The following ADGRV1 variants were observed in gnomAD, a reference collection of about 807,000 sequenced individuals.
ADGRV1 encodes the protein adhesion G protein-coupled receptor V1.
In ADGRV1, 359 loss-of-function variants were observed where a neutral mutation model predicts 596.2. That is an observed-to-expected ratio of 0.60 (90% CI 0.55 to 0.66). ADGRV1 has a LOEUF of 0.66. ADGRV1 is among the 30% of genes least tolerant of loss of function. The probability of loss-of-function intolerance (pLI) is 0.00; values close to 1 mark genes in which losing one functional copy is unlikely to be tolerated. For missense variants in ADGRV1, 7,274 were observed against 7,575.6 expected (o/e 0.96, Z 1.48); for synonymous variants, 2,681 against 2,679.2 (o/e 1.00, Z -0.02).
intron 59 of ADGRV1, among the ~76,000 whole-genome samples, 161 bp from the exon 60 acceptor site, chr5:90,774,025 T>A (rs1757958889): frequency 6.6e-6 from 1 of 152,236 alleles, no homozygotes; most frequent in South Asian, 2.1e-4. Flanking sequence ...CAGAACTGAT[T>A]TTTGTGGAGT....
At chr5:91,035,887 C>A (rs1352988436) in intron 85 of ADGRV1, among the ~76,000 whole-genome samples, 2 of 37,140 alleles carry the variant, frequency 5.4e-5, no homozygotes, top group East Asian at 6.8e-4. Flanking sequence ...ATATATCTTA[C>A]AACAATGCCT....
chr5:90,737,081 G>T (rs1753334865), intron 50 of ADGRV1, among the ~76,000 whole-genome samples: 1 of 151,484 alleles, frequency 6.6e-6, no homozygotes, highest in South Asian at 2.1e-4. Flanking sequence ...TTTCAATACA[G>T]GCGTTTATTG....
chr5:90,954,273 T>G (rs545316630), intron 83 of ADGRV1, among the ~76,000 whole-genome samples: 1 of 152,112 alleles, frequency 6.6e-6, no homozygotes, highest in African/African-American at 2.4e-5. Context: ...GCTAATGCTT[T>G]GATTTGTATA....
rs1017998808 is a variant in ADGRV1, at chr5:91,095,542, G to T, written c.18311-6677G>T. On this transcript the variant is annotated intron_variant, in intron 86 of 89. Transcript: ENST00000405460. ...CTCAGTTTATTTGCTGAGAACAGTG[G>T]GGGCTGACTGCTGCGGAACTGGTGT... is the stretch of plus-strand genomic sequence containing the variant. Among the ~76,000 whole-genome samples, 7 of 152,052 alleles carry T rather than the reference G, an allele frequency of 4.6e-5. No individual in the cohort carries two copies. In the East Asian group the frequency reaches 1.4e-3, roughly 29 times the overall value.
At chr5:90,981,568 T>C (rs1318816304) in intron 84 of ADGRV1, among the ~76,000 whole-genome samples, 1 of 152,176 alleles carries the variant, frequency 6.6e-6, no homozygotes, top group African/African-American at 2.4e-5. Context: ...GTTCCCGCTC[T>C]GCATGTGCAT....
intron 83 of ADGRV1, among the ~76,000 whole-genome samples, chr5:90,928,884 G>C (rs10065237): frequency 0.3 from 39,077 of 130,482 alleles, 5,722 homozygotes; most frequent in Non-Finnish European, 0.36. Flanking sequence ...TGTTGGAATA[G>C]CCTGCCGTGT....
At chr5:90,685,461 T>C (rs1745481346) in intron 28 of ADGRV1, among the ~76,000 whole-genome samples, 1 of 152,008 alleles carries the variant, frequency 6.6e-6, no homozygotes, top group African/African-American at 2.4e-5. Flanking sequence ...AGCACGTGCC[T>C]GTAGTCCCAG....
Position 91,051,398 on chromosome 5 carries a change from C to T in ADGRV1, c.18153-21049C>T, listed in dbSNP as rs1425855557. On this transcript the variant is annotated intron_variant, in intron 85 of 89. Coordinates refer to ENST00000405460, the MANE Select transcript of ADGRV1 (RefSeq NM_032119.4). ...AATAAATTACATGAGATATAAAACA[C>T]TTTATTATTAAATACGCTTGTGTTA... 2.6e-5 allele frequency among the ~76,000 whole-genome samples: 4 copies of T among 152,152 alleles called. No homozygotes were observed. In the South Asian group the frequency reaches 6.2e-4, roughly 24 times the overall value.
intron 83 of ADGRV1, among the ~76,000 whole-genome samples, chr5:90,964,940 A>T (rs2150966209): frequency 6.6e-6 from 1 of 152,164 alleles, no homozygotes; most frequent in East Asian, 1.9e-4. Flanking sequence ...TAACCATAGA[A>T]TTTGAATTTT....
intron 44 of ADGRV1, 67 bp downstream of exon 44, chr5:90,720,290 G>A: frequency 1.0e-6 from 1 of 990,008 alleles, no homozygotes; most frequent in Non-Finnish European, 1.4e-6. Flanking sequence ...TTTGACATAA[G>A]AAAATGCAGA....
intron 70 of ADGRV1, among the ~76,000 whole-genome samples, chr5:90,798,468 C>T (rs115345983): frequency 0.035 from 5,339 of 152,152 alleles, 322 homozygotes; most frequent in African/African-American, 0.12. Flanking sequence ...CAGGCCAAGA[C>T]GGATACACCG....
At chr5:90,833,704 G>C (rs1333916459) in intron 77 of ADGRV1, among the ~76,000 whole-genome samples, 2 of 152,050 alleles carry the variant, frequency 1.3e-5, no homozygotes, top group East Asian at 3.9e-4. Context: ...ATGGTTCACT[G>C]TCGGCATATA....
intron 65 of ADGRV1, 37 bp downstream of exon 65, chr5:90,781,615 A>G (rs917221529): frequency 1.4e-5 from 22 of 1,562,712 alleles, no homozygotes; most frequent in Non-Finnish European, 1.9e-5. Flanking sequence ...TAAGTTTACT[A>G]CCACTTTCCA....
intron 64 of ADGRV1, chr5:90,781,124 A>G (rs935351672): frequency 2.6e-5 from 10 of 384,350 alleles, no homozygotes; most frequent in Non-Finnish European, 4.4e-5. Context: ...CCAAAGGTTC[A>G]TTTTATGACA....
Position 91,104,185 on chromosome 5 carries a change from G to A in ADGRV1, c.18432+1845G>A, listed in dbSNP as rs1196182694. 1.7e-4 allele frequency among the ~76,000 whole-genome samples: 26 copies of A among 152,058 alleles called. 1 individual carries two copies. Among genetic ancestry groups the A allele is most frequent in the Admixed American group, 1.3e-3 (20 of 15,260 alleles). On this transcript the variant is annotated intron_variant, in intron 87 of 89. Transcript: ENST00000405460. Reference sequence around the variant, plus strand: ...GGAGAGGATATTGAAAAAAAGAGCAGCTCTAAGTAGGTAGGTTATTGTTAT... The same window carrying A: ...GGAGAGGATATTGAAAAAAAGAGCAACTCTAAGTAGGTAGGTTATTGTTAT...
chr5:90,808,208 A>G (rs1407342016), intron 73 of ADGRV1, among the ~76,000 whole-genome samples: 2 of 152,186 alleles, frequency 1.3e-5, no homozygotes, highest in Non-Finnish European at 2.9e-5. Context: ...TTCTGCAAAT[A>G]CAGTATATTT....
rs530131399 is a variant in ADGRV1, at chr5:91,150,603, A to G, written c.18624+382A>G. 8.5e-5 allele frequency among the ~76,000 whole-genome samples: 13 copies of G among 152,252 alleles called. No individual in the cohort carries two copies. In the South Asian group the frequency reaches 1.7e-3, roughly 19 times the overall value. On this transcript the variant is annotated intron_variant, in intron 88 of 89. Coordinates refer to ENST00000405460, the MANE Select transcript of ADGRV1 (RefSeq NM_032119.4). ...CCAAGGAAATGGTTCTTAAGATGCTATTTTTCCTAAAAATACTTTCATAGC... is the reference window on the plus strand; with the variant it reads ...CCAAGGAAATGGTTCTTAAGATGCTGTTTTTCCTAAAAATACTTTCATAGC...
rs537317888 is a variant in ADGRV1, at chr5:90,725,665, C to A, written c.10161+9C>A. On this transcript the variant is annotated intron_variant, in intron 48 of 89. Coordinates refer to ENST00000405460, the MANE Select transcript of ADGRV1 (RefSeq NM_032119.4). ...ATTCCGAATTAACTCAGGTTTGATTCTTTTAAAATGAAGTGGGTTTTTTTT... is the reference window on the plus strand; with the variant it reads ...ATTCCGAATTAACTCAGGTTTGATTATTTTAAAATGAAGTGGGTTTTTTTT... 2.6e-5 allele frequency: 35 copies of A among 1,328,568 alleles called. No individual in the cohort carries two copies. In the South Asian group the frequency reaches 2.7e-4, roughly 10 times the overall value. The allele number at this position is 1,328,568 out of a possible 1,614,324, so 82.3% of individuals were successfully genotyped here.
intron 25 of ADGRV1, among the ~76,000 whole-genome samples, chr5:90,678,549 A>G (rs1162144401): frequency 6.7e-6 from 1 of 149,440 alleles, no homozygotes; most frequent in Non-Finnish European, 1.5e-5. Flanking sequence ...TTTATAAGCA[A>G]TAGAAGTTTA....
Sources: gnomAD v4.1 joint callset for allele counts (sites outside exome capture counted in the v4.1 genomes callset) on GRCh38, gnomAD v4.1.1 for gene constraint, MANE v1.5 for transcripts, NCBI Gene and HGNC (gene_info 2026-07-23, HGNC 2026-07-21) for gene names.